The following DAAM1 variants were observed in gnomAD, a reference collection of about 807,000 sequenced individuals.
The protein encoded by DAAM1 is dishevelled associated activator of morphogenesis 1, also known as disheveled-associated activator of morphogenesis 1.
Under a neutral mutation model 130.0 loss-of-function variants are expected in DAAM1, and 52 were observed. That is an observed-to-expected ratio of 0.40 (90% CI 0.32 to 0.50). The LOEUF (loss-of-function observed/expected upper bound fraction) is 0.50. Among genes scored for constraint, DAAM1 ranks in the 20% least tolerant of loss-of-function variants. The pLI is 0.61. For synonymous variants in DAAM1, 452 were observed against 444.5 expected, an observed-to-expected ratio of 1.02 and a Z score of -0.21; for missense variants, 1,134 against 1,303.8, an observed-to-expected ratio of 0.87 and a Z score of 2.01.
intron 1 of DAAM1, among the ~76,000 whole-genome samples, chr14:59,228,437 G>T (rs1010915336): frequency 6.6e-6 from 1 of 152,174 alleles, no homozygotes; most frequent in African/African-American, 2.4e-5. Context: ...AAAGGAAGGG[G>T]AAATTGTATT....
chr14:59,359,699 G>A (rs1013813092), intron 21 of DAAM1, among the ~76,000 whole-genome samples, 195 bp downstream of exon 21: 8 of 152,150 alleles, frequency 5.3e-5, no homozygotes, highest in African/African-American at 1.9e-4. Flanking sequence ...TAGCTTCTTT[G>A]GAATACTGCA....
intron 1 of DAAM1, among the ~76,000 whole-genome samples, chr14:59,207,282 A>C (rs1015617476): frequency 6.6e-6 from 1 of 152,228 alleles, no homozygotes; most frequent in African/African-American, 2.4e-5. Context: ...TCACTACCAG[A>C]CAAAATTCAT....
intron 1 of DAAM1, among the ~76,000 whole-genome samples, chr14:59,200,256 G>A (rs1888058432): frequency 6.6e-6 from 1 of 152,158 alleles, no homozygotes; most frequent in Non-Finnish European, 1.5e-5. Context: ...GAAGCCCATG[G>A]CCTGTGTTGG....
At chr14:59,323,904 C>T (rs1885110444) in intron 6 of DAAM1, among the ~76,000 whole-genome samples, 1 of 151,814 alleles carries the variant, frequency 6.6e-6, no homozygotes, top group East Asian at 1.9e-4. Context: ...TGATGGTGGG[C>T]GCCTGTAGTC....
At chr14:59,339,922 C>T in intron 15 of DAAM1, 152 bp from the exon 16 acceptor site, 1 of 520,952 alleles carries the variant, frequency 1.9e-6, no homozygotes, top group Non-Finnish European at 3.3e-6. Flanking sequence ...GTTTCAATTC[C>T]ATCATTCTCC....
At chr14:59,263,745 A>G (rs758641904) in intron 2 of DAAM1, 85 bp downstream of exon 2, 13 of 1,555,320 alleles carry the variant, frequency 8.4e-6, no homozygotes, top group Non-Finnish European at 1.1e-5. Flanking sequence ...GTTTGGTTTG[A>G]CATGGACTTT....
At position 59,286,962 on chromosome 14, in the gene DAAM1, C is replaced by G. The variant is rs555467252; in HGVS notation, c.184-4255C>G. Among the ~76,000 whole-genome samples the G allele has an allele frequency of 4.6e-5, 7 of 152,224 alleles. No homozygotes were observed. The South Asian group carries it at 1.5e-3, about 32-fold the overall frequency. On this transcript the variant is annotated intron_variant, in intron 2 of 24. Coordinates refer to ENST00000360909, the MANE Select transcript of DAAM1 (RefSeq NM_001270520.2). ...ACCAGCATCACCCTGATACCAAAGA[C>G]TGGCAGAGACACAAGAAAAAAAGAG...
At chr14:59,247,677 G>A (rs1254125513) in intron 1 of DAAM1, among the ~76,000 whole-genome samples, 1 of 151,688 alleles carries the variant, frequency 6.6e-6, no homozygotes, top group Non-Finnish European at 1.5e-5. Context: ...TTCAGCGACA[G>A]GTTGATAATT....
chr14:59,338,825 A>G (rs748500585), intron 15 of DAAM1, among the ~76,000 whole-genome samples: 4 of 152,112 alleles, frequency 2.6e-5, no homozygotes, highest in Non-Finnish European at 4.4e-5. Context: ...GACTTGGACT[A>G]TTGTCTTCTG....
intron 3 of DAAM1, among the ~76,000 whole-genome samples, chr14:59,314,219 T>C (rs1884698692): frequency 6.6e-6 from 1 of 152,202 alleles, no homozygotes; most frequent in African/African-American, 2.4e-5. Context: ...TAAAACCTAG[T>C]AGGTAGTCAC....
Position 59,347,533 on chromosome 14 carries a change from C to T in DAAM1, c.2076-6C>T, listed in dbSNP as rs1399510296. On this transcript the variant is annotated splice_region_variant and splice_polypyrimidine_tract_variant and intron_variant, in intron 16 of 24. Transcript: ENST00000360909. ...TATGGTTAATAACAAAATATTCTTTCTCCAGGTTGAAATTATCCAATGACG... is the reference window on the plus strand; with the variant it reads ...TATGGTTAATAACAAAATATTCTTTTTCCAGGTTGAAATTATCCAATGACG... The T allele has an allele frequency of 6.2e-7, 1 of 1,612,484 alleles. No individual in the cohort carries two copies.
At position 59,368,975 on chromosome 14, in the gene DAAM1, GTGAA is replaced by G. The variant is rs1594857719; in HGVS notation, c.*119_*122del. 2.4e-6 allele frequency: 2 copies of G among 821,610 alleles called. No homozygotes were observed. Among genetic ancestry groups the G allele is most frequent in the East Asian group, 5.3e-5 (2 of 37,524 alleles). The allele number at this position is 821,610 out of a possible 1,614,324, so 50.9% of individuals were successfully genotyped here. On this transcript the variant is annotated 3_prime_UTR_variant, in exon 25 of 25. Transcript: ENST00000360909. ...TGGCAATTTTTTCCTTCATCTGTGA[GTGAA>G]TGTGTGAACGTGTGTATGTAAATGT...
rs369360632 is a variant in DAAM1, at chr14:59,326,519, G to A, written c.1184G>A (p.Ser395Asn). The A allele has an allele frequency of 6.3e-7, 1 of 1,584,972 alleles. No homozygotes were observed. The highest frequency in any genetic ancestry group is 1.2e-5 in the South Asian group (1 of 84,476). ...TTCTTTTCTTTTTTAGACAAGAGGA[G>A]TGGCAACACTGTTCAGTACTGGCTA... ...HHCLQMPYKR[S>N]GNTVQYWLLL... Residue 395 changes from serine (S) to asparagine (N), a missense_variant, in exon 11 of 25, where the codon AGT (serine) becomes AAT (asparagine). Ser to Asn is a conservative substitution (Grantham distance 46). Transcript: ENST00000360909.
chr14:59,353,981 T>A lies in DAAM1; in HGVS notation c.2356+17T>A. On this transcript the variant is annotated intron_variant, in intron 19 of 24. Coordinates refer to ENST00000360909, the MANE Select transcript of DAAM1 (RefSeq NM_001270520.2). ...AAGTGGAAGGTAAAGTCAAGCTGTC[T>A]AGATTGGAAATGATGTTCATCATTA... 6.2e-7 allele frequency: 1 copy of A among 1,610,596 alleles called. No homozygotes were observed. The highest frequency in any genetic ancestry group is 8.5e-7 in the Non-Finnish European group (1 of 1,177,558).
At chr14:59,226,781 A>G (rs576924976) in intron 1 of DAAM1, among the ~76,000 whole-genome samples, 2 of 152,316 alleles carry the variant, frequency 1.3e-5, no homozygotes, top group East Asian at 3.9e-4. Flanking sequence ...CTAGATTGGG[A>G]AACATTTACC....
chr14:59,358,661 G>A (rs1049672547), intron 20 of DAAM1, among the ~76,000 whole-genome samples: 5 of 152,016 alleles, frequency 3.3e-5, no homozygotes. Flanking sequence ...TGACCAACAT[G>A]GTGAAACCCT....
chr14:59,354,185 T>C (rs1261977262), intron 19 of DAAM1, among the ~76,000 whole-genome samples: 4 of 151,926 alleles, frequency 2.6e-5, no homozygotes, highest in Non-Finnish European at 1.5e-5. Context: ...CTCAGCTTCC[T>C]GAGTAGCTGG....
At chr14:59,195,782 G>T (rs1887869552) in intron 1 of DAAM1, among the ~76,000 whole-genome samples, 1 of 152,054 alleles carries the variant, frequency 6.6e-6, no homozygotes, top group African/African-American at 2.4e-5. Flanking sequence ...GGCTAGCTCA[G>T]TTTGTTAGTG....
chr14:59,269,479 C>T (rs1882611736), intron 2 of DAAM1, among the ~76,000 whole-genome samples: 1 of 152,234 alleles, frequency 6.6e-6, no homozygotes, highest in East Asian at 1.9e-4. Context: ...AGTGGATAAA[C>T]ATCTACATAA....
Sources: allele counts gnomAD v4.1 joint callset (sites outside exome capture counted in the v4.1 genomes callset), GRCh38; gene constraint gnomAD v4.1.1; transcripts MANE v1.5; gene names NCBI Gene and HGNC (gene_info 2026-07-23, HGNC 2026-07-21).